PCDH15: variants seen among roughly 807,000 people sequenced by gnomAD.
PCDH15 encodes protocadherin related 15.
PCDH15 carries 129 observed loss-of-function variants against 178.5 expected under a neutral mutation model. That is an observed-to-expected ratio of 0.72 (90% CI 0.63 to 0.84). The LOEUF (loss-of-function observed/expected upper bound fraction) is 0.84. Ranked by LOEUF, PCDH15 falls within the 40% of genes least tolerant of loss-of-function variation. PCDH15 has a pLI of 0.00. For missense variants in PCDH15, 2,230 were observed against 2,099.9 expected, an observed-to-expected ratio of 1.06 and a Z score of -1.21; for synonymous variants, 800 against 732.0, an observed-to-expected ratio of 1.09 and a Z score of -1.50.
chr10:53,984,136 CTT>C (rs1564928589), intron 21 of PCDH15, among the ~76,000 whole-genome samples: 2 of 73,552 alleles, frequency 2.7e-5, no homozygotes, highest in African/African-American at 1.4e-4. Context: ...TTTTTTTTTT[CTT>C]TTTTCTTTTC....
intron 2 of PCDH15, among the ~76,000 whole-genome samples, chr10:54,899,035 A>G (rs546390867): frequency 6.6e-6 from 1 of 152,292 alleles, no homozygotes; most frequent in South Asian, 2.1e-4. Flanking sequence ...CACATTCATA[A>G]CAAGCCTGGA....
At chr10:55,281,040 T>G (rs1360600816) in intron 1 of PCDH15, among the ~76,000 whole-genome samples, 3 of 152,212 alleles carry the variant, frequency 2.0e-5, no homozygotes, top group Non-Finnish European at 2.9e-5. Flanking sequence ...TCTAATACTA[T>G]AGCATATTAA....
intron 1 of PCDH15, among the ~76,000 whole-genome samples, chr10:55,213,407 AC>A (rs1780740591): frequency 6.6e-6 from 1 of 152,082 alleles, no homozygotes. Flanking sequence ...GTTTGGTAGA[AC>A]ATTCGATTAA....
chr10:55,136,884 G>T (rs1288694914), intron 2 of PCDH15, among the ~76,000 whole-genome samples: 1 of 152,074 alleles, frequency 6.6e-6, no homozygotes, highest in Non-Finnish European at 1.5e-5. Context: ...TTCAGATACG[G>T]ACTTTTCCTC....
At chr10:55,526,215 C>T (rs954611563) in intron 2 of PCDH15, among the ~76,000 whole-genome samples, 3 of 151,792 alleles carry the variant, frequency 2.0e-5, no homozygotes, top group Non-Finnish European at 2.9e-5. Context: ...TAAGCATTGA[C>T]TTATAATAGA....
At chr10:54,961,907 G>A (rs902969401) in intron 2 of PCDH15, among the ~76,000 whole-genome samples, 1 of 152,130 alleles carries the variant, frequency 6.6e-6, no homozygotes, top group African/African-American at 2.4e-5. Flanking sequence ...GGGATGACCT[G>A]CCTGGAGATA....
chr10:54,743,808 T>G (rs1178447317), intron 1 of PCDH15, among the ~76,000 whole-genome samples: 1 of 146,656 alleles, frequency 6.8e-6, no homozygotes, highest in South Asian at 2.1e-4. Flanking sequence ...AATATTAGAT[T>G]TAGAAAAAAG....
chr10:55,544,605 T>C (rs539254527), intron 2 of PCDH15, among the ~76,000 whole-genome samples: 3 of 152,286 alleles, frequency 2.0e-5, no homozygotes, highest in African/African-American at 4.8e-5. Context: ...TTGTATATGA[T>C]GGTGTCGAGT....
intron 13 of PCDH15, among the ~76,000 whole-genome samples, chr10:54,170,787 G>A (rs1346398750): frequency 6.6e-6 from 1 of 151,960 alleles, no homozygotes; most frequent in African/African-American, 2.4e-5. Context: ...GCAAAGGCAG[G>A]TTATGCTATA....
intron 13 of PCDH15, among the ~76,000 whole-genome samples, chr10:54,173,056 A>G (rs558839360): frequency 2.3e-4 from 35 of 152,294 alleles, no homozygotes; most frequent in African/African-American, 7.9e-4. Context: ...TGTGATTACT[A>G]TAATGCTAGC....
chr10:55,298,736 A>T lies in PCDH15; in HGVS notation c.-156+20863T>A, dbSNP rs567641049. Among the ~76,000 whole-genome samples the T allele has an allele frequency of 2.1e-3, 312 of 152,158 alleles. 1 individual carries two copies. The highest frequency in any genetic ancestry group is 7.3e-3 in the African/African-American group (304 of 41,536). Reference sequence around the variant, plus strand: ...GCTGGGACTACCAGCGTGTGCCACCACACCTAACGAATTTTTTCTTTTTAG... The same window carrying T: ...GCTGGGACTACCAGCGTGTGCCACCTCACCTAACGAATTTTTTCTTTTTAG... On this transcript the variant is annotated intron_variant, in intron 1 of 5. Transcript: ENST00000458638.
At chr10:55,173,570 C>T (rs971824931) in intron 1 of PCDH15, among the ~76,000 whole-genome samples, 1 of 151,794 alleles carries the variant, frequency 6.6e-6, no homozygotes, top group African/African-American at 2.4e-5. Flanking sequence ...ATTTGCTTTT[C>T]TTAAAATTAT....
intron 13 of PCDH15, among the ~76,000 whole-genome samples, chr10:54,170,695 A>C (rs975926207): frequency 1.3e-5 from 2 of 151,266 alleles, no homozygotes; most frequent in East Asian, 2.0e-4. Flanking sequence ...CATTTCCCCA[A>C]ATTTCCTTCT....
At chr10:55,444,284 T>TA (rs76682014) in intron 2 of PCDH15, among the ~76,000 whole-genome samples, 110,332 of 146,392 alleles carry the variant, frequency 0.75, 42,468 homozygotes, top group East Asian at 0.99. Context: ...AAAGTGTAAT[T>TA]AAAAAAAAAA....
At chr10:54,222,847 A>G (rs1179299824) in intron 9 of PCDH15, among the ~76,000 whole-genome samples, 1 of 152,202 alleles carries the variant, frequency 6.6e-6, no homozygotes, top group Non-Finnish European at 1.5e-5. Flanking sequence ...GTGTTTTCAT[A>G]TATTCCCCAA....
At chr10:54,027,970 A>G (rs1482126402) in intron 18 of PCDH15, among the ~76,000 whole-genome samples, 2 of 151,454 alleles carry the variant, frequency 1.3e-5, no homozygotes, top group African/African-American at 2.4e-5. Flanking sequence ...GAGCTTCTGC[A>G]CAGCAAAAGA....
chr10:54,544,811 T>G (rs1489037510), intron 2 of PCDH15, among the ~76,000 whole-genome samples: 1 of 152,206 alleles, frequency 6.6e-6, no homozygotes, highest in Non-Finnish European at 1.5e-5. Context: ...TAAAAATTTC[T>G]GTTACATTAA....
At chr10:54,942,872 G>C (rs1271643903) in intron 2 of PCDH15, among the ~76,000 whole-genome samples, 2 of 152,008 alleles carry the variant, frequency 1.3e-5, no homozygotes, top group African/African-American at 2.4e-5. Flanking sequence ...ACTTTACTCT[G>C]TGCTAGGTCA....
In PCDH15 at chr10:55,350,228, CATATATATATATAT is replaced by C. The variant is rs869240598; in HGVS notation, c.-155-183591_-155-183578del. The stretch of plus-strand genomic sequence containing the variant: ...GGTGAATATATACCATATATAAACT[CATATATATATATAT>C]ATATATATATATATATATATATATA... On this transcript the variant is annotated intron_variant, in intron 2 of 5. Coordinates refer to the PCDH15 transcript ENST00000613346. 3.8e-3 allele frequency among the ~76,000 whole-genome samples: 276 copies of C among 73,440 alleles called. 4 individuals are homozygous for C. Among genetic ancestry groups the C allele is most frequent in the Middle Eastern group, 0.018 (2 of 110 alleles). 48.2% of individuals were successfully genotyped at this position (73,440 alleles called of 152,430 possible). A position where few individuals can be genotyped will look rare whatever the true frequency, so the allele number is the denominator to read the frequency against.
Sources: gnomAD v4.1 joint callset for allele counts (sites outside exome capture counted in the v4.1 genomes callset) on GRCh38, gnomAD v4.1.1 for gene constraint, MANE v1.5 for transcripts, NCBI Gene and HGNC (gene_info 2026-07-23, HGNC 2026-07-21) for gene names.